Variants in EPB41L3 observed in about 807,000 individuals in gnomAD.
EPB41L3 encodes the protein band 4.1-like protein 3.
In EPB41L3, 57 loss-of-function variants were observed where a neutral mutation model predicts 127.1. That is an observed-to-expected ratio of 0.45 (90% CI 0.36 to 0.56). The LOEUF (loss-of-function observed/expected upper bound fraction) is 0.56, where lower values mean the gene tolerates loss of function less well. Among genes scored for constraint, EPB41L3 ranks in the 20% least tolerant of loss-of-function variants. EPB41L3 has a pLI of 0.00. For synonymous variants in EPB41L3, 572 were observed against 549.5 expected (o/e 1.04, Z -0.57); for missense variants, 1,273 against 1,372.2 (o/e 0.93, Z 1.14).
At chr18:5,580,496 G>A (rs1375224773) in intron 3 of EPB41L3, among the ~76,000 whole-genome samples, 1 of 151,754 alleles carries the variant, frequency 6.6e-6, no homozygotes, top group Non-Finnish European at 1.5e-5. Flanking sequence ...GCACATATAG[G>A]CACACATGTA....
intron 22 of EPB41L3, chr18:5,393,718 A>T (rs2072786368): frequency 4.8e-6 from 2 of 415,676 alleles, no homozygotes; most frequent in Non-Finnish European, 8.5e-6. Context: ...TCCAAAATAT[A>T]TTATTCATTT....
At chr18:5,531,910 G>A (rs1423554846) in intron 1 of EPB41L3, among the ~76,000 whole-genome samples, 1 of 152,098 alleles carries the variant, frequency 6.6e-6, no homozygotes, top group Non-Finnish European at 1.5e-5. Flanking sequence ...AGAAAGAAGA[G>A]AATGTGTATT....
intron 3 of EPB41L3, among the ~76,000 whole-genome samples, chr18:5,469,684 C>G (rs965742474): frequency 2.6e-5 from 4 of 152,126 alleles, no homozygotes; most frequent in African/African-American, 7.2e-5. Flanking sequence ...AAGGAACGTC[C>G]GAAAGATCCT....
intron 16 of EPB41L3, chr18:5,400,458 G>A (rs747779588): frequency 2.2e-5 from 10 of 454,446 alleles, no homozygotes; most frequent in Non-Finnish European, 4.4e-5. Context: ...TGATCTACAT[G>A]TTGTTGCTAG....
At chr18:5,610,759 A>C (rs1317813333) in intron 3 of EPB41L3, among the ~76,000 whole-genome samples, 1 of 152,240 alleles carries the variant, frequency 6.6e-6, no homozygotes, top group Non-Finnish European at 1.5e-5. Flanking sequence ...CACAGAATAG[A>C]ATTTGCATTC....
intron 3 of EPB41L3, among the ~76,000 whole-genome samples, chr18:5,565,946 G>C (rs1001783154): frequency 4.1e-4 from 62 of 151,814 alleles, no homozygotes; most frequent in Non-Finnish European, 1.3e-4. Flanking sequence ...AATAAATTAG[G>C]TATTGATGGG....
rs2148294500 is a variant in EPB41L3, at chr18:5,489,164, G to A, written c.20C>T (p.Ser7Leu). ...CTGGTCCGGCTTGGATTCCGAGTCT[G>A]ATCCAGATTCGGTCGTCATGGTTGA... is the stretch of plus-strand genomic sequence containing the variant. MTTESG[S>L]DSESKPDQEA... is the part of the protein sequence containing the mutation. Residue 7 changes from serine (S) to leucine (L), a missense_variant, in exon 2 of 23, where the codon TCA becomes TTA. Around this residue, in one of 3 missense-constraint regions of EPB41L3, gnomAD observed 182 missense variants for 149.2 expected, o/e 1.22. Transcript: ENST00000341928. 2 of 1,597,610 alleles carry A rather than the reference G, an allele frequency of 1.3e-6. No individual in the cohort carries two copies. The highest frequency in any genetic ancestry group is 2.3e-5 in the East Asian group (1 of 43,712).
At chr18:5,410,045 A>G (rs987191565) in intron 14 of EPB41L3, among the ~76,000 whole-genome samples, 1 of 152,194 alleles carries the variant, frequency 6.6e-6, no homozygotes, top group African/African-American at 2.4e-5. Context: ...CCGAGGCTAC[A>G]GTCAAAGGCT....
chr18:5,551,054 TTAACATAAGTAGC>T (rs1259253594), intron 3 of EPB41L3, among the ~76,000 whole-genome samples: 1 of 152,176 alleles, frequency 6.6e-6, no homozygotes, highest in Admixed American at 6.5e-5. Flanking sequence ...CTTTGGTGAA[TTAACATAAGTAGC>T]TGGGCATGAT....
At chr18:5,395,241 T>C in intron 20 of EPB41L3, 94 bp from the exon 21 acceptor site, 1 of 1,036,532 alleles carries the variant, frequency 9.6e-7, no homozygotes, top group Non-Finnish European at 1.5e-6. Flanking sequence ...CTGACATCAT[T>C]CACTCTTCGA....
At chr18:5,479,558 T>C (rs184475452) in intron 2 of EPB41L3, 2 of 152,342 alleles carry the variant, frequency 1.3e-5, no homozygotes, top group African/African-American at 4.8e-5. Flanking sequence ...TTTATCTTCA[T>C]TTTCTATCTT....
intron 3 of EPB41L3, among the ~76,000 whole-genome samples, chr18:5,564,945 C>T (rs534431945): frequency 6.6e-6 from 1 of 151,992 alleles, no homozygotes; most frequent in Non-Finnish European, 1.5e-5. Flanking sequence ...TGTAGGGCAA[C>T]TAAATTCATA....
At chr18:5,536,342 G>A (rs2148991250) in intron 1 of EPB41L3, among the ~76,000 whole-genome samples, 1 of 150,870 alleles carries the variant, frequency 6.6e-6, no homozygotes, top group Admixed American at 6.6e-5. Flanking sequence ...AGGCAGAGGG[G>A]CTGGACAACA....
intron 3 of EPB41L3, among the ~76,000 whole-genome samples, chr18:5,448,680 T>C (rs557947118): frequency 3.6e-4 from 55 of 152,332 alleles, no homozygotes; most frequent in Middle Eastern, 6.8e-3. Context: ...ATTTTGGTCT[T>C]ACAATTATTT....
intron 3 of EPB41L3, among the ~76,000 whole-genome samples, chr18:5,554,566 C>T (rs1598935433): frequency 1.3e-5 from 2 of 152,250 alleles, no homozygotes; most frequent in Non-Finnish European, 2.9e-5. Context: ...ATTTAGGCAG[C>T]AACTCCCAAT....
intron 16 of EPB41L3, chr18:5,400,359 T>C (rs1370102201): frequency 2.8e-6 from 1 of 352,286 alleles, no homozygotes; most frequent in African/African-American, 2.2e-5. Context: ...CATTTTAAAC[T>C]AGAATGTTTT....
intron 2 of EPB41L3, 38 bp from the exon 3 acceptor site, chr18:5,478,476 G>A (rs2087705006): frequency 2.5e-6 from 4 of 1,601,340 alleles, no homozygotes; most frequent in African/African-American, 1.3e-5. Flanking sequence ...TCATTGCAAG[G>A]TGGGAAATAA....
At chr18:5,505,806 C>T (rs1484147179) in intron 1 of EPB41L3, among the ~76,000 whole-genome samples, 3 of 133,826 alleles carry the variant, frequency 2.2e-5, no homozygotes. Flanking sequence ...TCACCTCCAC[C>T]CCTTCCCTCT....
At chr18:5,442,421 T>C (rs1216276390) in intron 5 of EPB41L3, among the ~76,000 whole-genome samples, 2 of 152,208 alleles carry the variant, frequency 1.3e-5, no homozygotes, top group Non-Finnish European at 2.9e-5. Flanking sequence ...CTCTTATATC[T>C]AGAAGTATGG....
Sources: gnomAD v4.1 joint callset for allele counts (sites outside exome capture counted in the v4.1 genomes callset) on GRCh38, gnomAD v4.1.1 for gene constraint, gnomAD v4.1.1 regional missense constraint, MANE v1.5 for transcripts, NCBI Gene and HGNC (gene_info 2026-07-23, HGNC 2026-07-21) for gene names.